The following TTC34 variants were observed in gnomAD, a reference collection of about 807,000 sequenced individuals.
TTC34 encodes tetratricopeptide repeat protein 34.
In TTC34, 44 loss-of-function variants were observed where a neutral mutation model predicts 40.7. The ratio of observed to expected loss-of-function variants is 1.08; its 90% CI spans 0.85 to 1.39. The LOEUF (loss-of-function observed/expected upper bound fraction) is 1.39. Ranked by LOEUF, TTC34 falls within the 40% of genes most tolerant of loss-of-function variation. The pLI is 0.00. For missense variants in TTC34, 884 were observed against 838.0 expected, an observed-to-expected ratio of 1.05 and a Z score of -0.68; for synonymous variants, 422 against 398.6, an observed-to-expected ratio of 1.06 and a Z score of -0.70.
intron 6 of TTC34, among the ~76,000 whole-genome samples, chr1:2,747,669 AC>A (rs1641196980): frequency 7.0e-6 from 1 of 143,378 alleles, no homozygotes; most frequent in Admixed American, 7.0e-5. Flanking sequence ...CTGGAACAGC[AC>A]GCAAACCCCC....
At chr1:2,787,351 G>A in intron 4 of TTC34, 130 bp downstream of exon 4, 2 of 773,624 alleles carry the variant, frequency 2.6e-6, no homozygotes, top group Non-Finnish European at 3.8e-6. Flanking sequence ...TGCAGAGCTG[G>A]GGCTGAATGC....
chr1:2,673,363 C>T (rs574996102), intron 6 of TTC34, among the ~76,000 whole-genome samples: 25 of 61,156 alleles, frequency 4.1e-4, no homozygotes, highest in African/African-American at 1.4e-3. Flanking sequence ...CGGCCACAGG[C>T]GAGCATCTGA....
chr1:2,672,784 G>A (rs1296145111), intron 6 of TTC34, among the ~76,000 whole-genome samples: 2 of 92,390 alleles, frequency 2.2e-5, no homozygotes, highest in African/African-American at 3.3e-5. Context: ...ACCTGGAGCA[G>A]CACCCACGCC....
At chr1:2,767,361 C>G (rs1383303436) in intron 6 of TTC34, among the ~76,000 whole-genome samples, 3 of 93,900 alleles carry the variant, frequency 3.2e-5, no homozygotes, top group Non-Finnish European at 6.5e-5. Flanking sequence ...GTCATCCTCA[C>G]TTCCAGGTGA....
chr1:2,646,362 A>G (rs549374547), intron 6 of TTC34, among the ~76,000 whole-genome samples: 12 of 152,152 alleles, frequency 7.9e-5, no homozygotes, highest in Non-Finnish European at 1.6e-4. Flanking sequence ...ATTTCCTCAC[A>G]TAGTGCATTA....
In TTC34 at chr1:2,752,751, A is replaced by C. The variant is rs1416236650; in HGVS notation, c.2226+30858T>G. 1.7e-5 allele frequency among the ~76,000 whole-genome samples: 2 copies of C among 120,212 alleles called. 1 individual carries two copies. Among genetic ancestry groups the C allele is most frequent in the East Asian group, 5.7e-4 (2 of 3,498 alleles). The allele number at this position is 120,212 out of a possible 152,430, so 78.9% of individuals were successfully genotyped here. ...CCCTGCACCCCCAGGACAGCATCTG[A>C]CAGCGTGGAACAGCACCCATACGCC... On this transcript the variant is annotated intron_variant, in intron 6 of 8. Transcript: ENST00000401095.
In TTC34 at chr1:2,755,036, G is replaced by C. The variant is rs1184883280; in HGVS notation, c.2226+28573C>G. ...CACCCACACACCCAAGTGAGCATCTGACAGCCTGGAACAGCACCCTGCACC... is the reference window on the plus strand; with the variant it reads ...CACCCACACACCCAAGTGAGCATCTCACAGCCTGGAACAGCACCCTGCACC... On this transcript the variant is annotated intron_variant, in intron 6 of 8. Transcript: ENST00000401095. Among the ~76,000 whole-genome samples, 20 of 66,974 alleles carry C rather than the reference G, an allele frequency of 3.0e-4. 6 individuals carry two copies. The highest frequency in any genetic ancestry group is 2.0e-3 in the African/African-American group (15 of 7,496). The allele number at this position is 66,974 out of a possible 152,430, so 43.9% of individuals were successfully genotyped here.
chr1:2,769,747 C>T (rs538132687), intron 6 of TTC34, among the ~76,000 whole-genome samples: 38 of 150,112 alleles, frequency 2.5e-4, no homozygotes, highest in Middle Eastern at 3.4e-3. Flanking sequence ...GAGCAGCGCC[C>T]ACACCCCCAG....
chr1:2,688,360 G>T lies in TTC34; in HGVS notation c.2227-42797C>A, dbSNP rs1448504189. 5.6e-5 allele frequency among the ~76,000 whole-genome samples: 8 copies of T among 144,130 alleles called. No homozygotes were observed. The East Asian group carries it at 6.3e-4, about 11-fold the overall frequency. The allele number at this position is 144,130 out of a possible 152,430, so 94.6% of individuals were successfully genotyped here. A position where few individuals can be genotyped will look rare whatever the true frequency, so the allele number is the denominator to read the frequency against. ...GGTGAGCATCGGACAGCCTGGAGCA[G>T]CACCCACACGCCCAGGTGAGCATCT... On this transcript the variant is annotated intron_variant, in intron 6 of 8. Coordinates refer to ENST00000401095, the Ensembl canonical transcript of TTC34.
intron 6 of TTC34, among the ~76,000 whole-genome samples, chr1:2,693,303 C>G (rs1640711735): frequency 1.5e-5 from 2 of 132,958 alleles, no homozygotes; most frequent in African/African-American, 5.6e-5. Flanking sequence ...ACTGCACCCC[C>G]ATGCCCAGGT....
chr1:2,677,044 C>T (rs1245770299), intron 6 of TTC34, among the ~76,000 whole-genome samples: 1 of 109,058 alleles, frequency 9.2e-6, no homozygotes, highest in Non-Finnish European at 2.1e-5. Context: ...GGAGCAGCAC[C>T]CACAACCCCA....
chr1:2,794,273 CT>C (rs1429581129), intron 2 of TTC34, among the ~76,000 whole-genome samples: 1 of 152,136 alleles, frequency 6.6e-6, no homozygotes, highest in Non-Finnish European at 1.5e-5. Context: ...TCCAAAAGTG[CT>C]GGGATTACAG....
chr1:2,684,402 G>C (rs1478945454), intron 6 of TTC34, among the ~76,000 whole-genome samples: 45 of 151,564 alleles, frequency 3.0e-4, no homozygotes, highest in African/African-American at 9.8e-4. Context: ...ACACCCCCAG[G>C]TGAGCATCTG....
intron 6 of TTC34, among the ~76,000 whole-genome samples, chr1:2,754,884 G>GGC (rs1641454918): frequency 2.5e-5 from 2 of 80,296 alleles, no homozygotes; most frequent in Non-Finnish European, 4.4e-5. Flanking sequence ...TGACAGCCTC[G>GGC]AACAGCACCC....
intron 8 of TTC34, among the ~76,000 whole-genome samples, chr1:2,642,316 C>G (rs1240927742): frequency 6.6e-6 from 1 of 152,196 alleles, no homozygotes; most frequent in Non-Finnish European, 1.5e-5. Context: ...CCTCCTCCCT[C>G]GGTCCCTCTG....
rs1031311144 is a variant in TTC34 at position 2,787,736 on chromosome 1, C to A, written c.1629-30G>T. On this transcript the variant is annotated intron_variant, in intron 3 of 8. Transcript: ENST00000401095. ...GTGGAGATCAGCTCAGGGGGGCATG[C>A]CCCTTTTGACAACCCCTCCACCTGC... 17 of 1,480,552 alleles carry A rather than the reference C, an allele frequency of 1.1e-5. No individual in the cohort carries two copies. In the African/African-American group the frequency reaches 1.7e-4, roughly 15 times the overall value. 91.7% of individuals were successfully genotyped at this position (1,480,552 alleles called of 1,614,324 possible). A position where few individuals can be genotyped will look rare whatever the true frequency, so the allele number is the denominator to read the frequency against.
At chr1:2,786,475 G>A (rs1006366317) in intron 4 of TTC34, among the ~76,000 whole-genome samples, 4 of 152,290 alleles carry the variant, frequency 2.6e-5, no homozygotes, top group African/African-American at 9.6e-5. Context: ...GAGGGGAGTC[G>A]TGAGCCCGCT....
chr1:2,748,456 G>A (rs1641217153), intron 6 of TTC34, among the ~76,000 whole-genome samples: 1 of 148,688 alleles, frequency 6.7e-6, no homozygotes, highest in Non-Finnish European at 1.5e-5. Context: ...GTGAGAATCT[G>A]ACAGCCTGGA....
chr1:2,683,855 C>T (rs201301373), intron 6 of TTC34, among the ~76,000 whole-genome samples: 40 of 142,242 alleles, frequency 2.8e-4, no homozygotes, highest in African/African-American at 1.1e-3. Flanking sequence ...CATCCGACAG[C>T]CTGGAGCAGA....
Sources: gnomAD v4.1 joint callset for allele counts (sites outside exome capture counted in the v4.1 genomes callset) on GRCh38, gnomAD v4.1.1 for gene constraint, MANE v1.5 for transcripts, NCBI Gene and HGNC (gene_info 2026-07-23, HGNC 2026-07-21) for gene names.